NAB1: variants seen among roughly 807,000 people sequenced by gnomAD.
NAB1 encodes the protein NGFI-A binding protein 1.
In NAB1, 25 loss-of-function variants were observed where a neutral mutation model predicts 49.9. That is an observed-to-expected ratio of 0.50 (90% confidence interval 0.37 to 0.70). The LOEUF (loss-of-function observed/expected upper bound fraction) is 0.70, where lower values mean the gene tolerates loss of function less well. NAB1 is among the 30% of genes least tolerant of loss of function. NAB1 has a pLI of 0.00. For missense variants in NAB1, 489 were observed against 575.9 expected (o/e 0.85, Z 1.54); for synonymous variants, 198 against 215.6 (o/e 0.92, Z 0.71).
At position 190,676,623 on chromosome 2, in the gene NAB1, G is replaced by A. The variant is rs1695085329; in HGVS notation, c.1005+3471G>A. 6.6e-6 allele frequency among the ~76,000 whole-genome samples: 1 copy of A among 152,148 alleles called. No homozygotes were observed. Among genetic ancestry groups the A allele is most frequent in the South Asian group, 2.1e-4 (1 of 4,828 alleles). ...TAGTCCCAGCTAATCAGGAGGCTGA[G>A]GTGGGAGAATCACTGCCCCACTGCA... On this transcript the variant is annotated intron_variant, in intron 6 of 9. Coordinates refer to ENST00000337386, the MANE Select transcript of NAB1 (RefSeq NM_005966.4). This position sits in a 1 kb window ranked among gnomAD's most constrained non-coding sequence, Gnocchi z 4.6.
chr2:190,659,821 G>A lies in NAB1; in HGVS notation c.645G>A (p.Leu215=). The A allele has an allele frequency of 6.2e-7, 1 of 1,614,234 alleles. No individual in the cohort carries two copies. The highest frequency in any genetic ancestry group is 1.7e-5 in the Admixed American group (1 of 60,024). ...CCCCCACACTGCCAAAAAGTGACTT[G>A]AATGAAGTGAAAGAGCTGCTAAAAA... is the stretch of plus-strand genomic sequence containing the variant. The part of the protein sequence containing the change: ...RMAPTLPKSD[L]NEVKELLKTN... Residue 215 remains leucine (L), a synonymous_variant, in exon 4 of 10, where the codon TTG becomes TTA. Coordinates refer to ENST00000337386, the MANE Select transcript of NAB1 (RefSeq NM_005966.4). This position sits in a 1 kb window ranked among gnomAD's most constrained non-coding sequence, Gnocchi z 6.2.
chr2:190,661,604 A>G (rs1694231122), intron 4 of NAB1, among the ~76,000 whole-genome samples: 1 of 152,236 alleles, frequency 6.6e-6, no homozygotes, highest in South Asian at 2.1e-4. Context: ...AAAAAATGTA[A>G]AAAGAATTAT....
In NAB1 at chr2:190,679,365, T is replaced by G. The variant is rs1695219944; in HGVS notation, c.1006-4373T>G. On this transcript the variant is annotated intron_variant, in intron 6 of 9. Coordinates refer to ENST00000337386, the MANE Select transcript of NAB1 (RefSeq NM_005966.4). The surrounding 1 kb of genome is among the most constrained non-coding windows in gnomAD (Gnocchi z 5.3). The stretch of plus-strand genomic sequence containing the variant: ...CTGTAGGAGTAAATAATGACTAATG[T>G]GCTCAGTTGCAGAGAGATCACTGAT... 6.6e-6 allele frequency among the ~76,000 whole-genome samples: 1 copy of G among 152,256 alleles called. No individual in the cohort carries two copies. Among genetic ancestry groups the G allele is most frequent in the Non-Finnish European group, 1.5e-5 (1 of 68,044 alleles).
intron 4 of NAB1, among the ~76,000 whole-genome samples, chr2:190,664,614 T>TTTTTTTTG (rs1553548974): frequency 1.8e-4 from 20 of 111,874 alleles, no homozygotes; most frequent in East Asian, 2.7e-4. Flanking sequence ...TTTTTTTTTT[T>TTTTTTTTG]GTAGGGACAG....
In NAB1 at chr2:190,669,615, A is replaced by G. The variant is rs947208744; in HGVS notation, c.820-711A>G. On this transcript the variant is annotated intron_variant, in intron 4 of 9. Transcript: ENST00000337386. The surrounding 1 kb of genome is among the most constrained non-coding windows in gnomAD (Gnocchi z 4.3). The stretch of plus-strand genomic sequence containing the variant: ...CTGATATACCTCTTGACAGTTTCCT[A>G]TATCTATTGACAAAATTATGTGAAA... Among the ~76,000 whole-genome samples the G allele has an allele frequency of 6.6e-6, 1 of 152,196 alleles. No homozygotes were observed. The highest frequency in any genetic ancestry group is 1.5e-5 in the Non-Finnish European group (1 of 68,024).
rs530797080 is a variant in NAB1 at position 190,689,077 on chromosome 2, C to T, written c.1376-1168C>T. Among the ~76,000 whole-genome samples the T allele has an allele frequency of 1.6e-4, 25 of 152,216 alleles. No homozygotes were observed. Among genetic ancestry groups the T allele is most frequent in the Middle Eastern group, 3.4e-3 (1 of 294 alleles). On this transcript the variant is annotated intron_variant, in intron 9 of 9. Coordinates refer to ENST00000337386, the MANE Select transcript of NAB1 (RefSeq NM_005966.4). This position sits in a 1 kb window ranked among gnomAD's most constrained non-coding sequence, Gnocchi z 4.3. Reference sequence around the variant, plus strand: ...TCCTGACCTTGTGATCCGCCCGCCTCGGCCCCACAAAGTGCTGGGATTACA... The same window carrying T: ...TCCTGACCTTGTGATCCGCCCGCCTTGGCCCCACAAAGTGCTGGGATTACA...
At chr2:190,661,270 A>C (rs998787217) in intron 4 of NAB1, among the ~76,000 whole-genome samples, 4 of 152,144 alleles carry the variant, frequency 2.6e-5, no homozygotes, top group African/African-American at 9.7e-5. Flanking sequence ...TGAATGTTGG[A>C]GCTTGAGATC....
In NAB1 at chr2:190,659,121, T is replaced by G. The variant is rs1391323813; in HGVS notation, c.-19-37T>G. On this transcript the variant is annotated intron_variant, in intron 3 of 9. Transcript: ENST00000337386. The surrounding 1 kb of genome is among the most constrained non-coding windows in gnomAD (Gnocchi z 6.2). ...TTTGGTGTAAGGAGTTTGAAGCAAG[T>G]ATGATGAGTTTTTACTTTTTTTTTT... 1.5e-6 allele frequency: 2 copies of G among 1,373,644 alleles called. No homozygotes were observed. Among genetic ancestry groups the G allele is most frequent in the African/African-American group, 2.9e-5 (2 of 68,534 alleles). 85.1% of individuals were successfully genotyped at this position (1,373,644 alleles called of 1,614,324 possible).
At chr2:190,687,395 CAAAAAAAAAAA>C (rs60742412) in intron 9 of NAB1, 78 bp downstream of exon 9, 15 of 162,068 alleles carry the variant, frequency 9.3e-5, no homozygotes, top group South Asian at 2.1e-4. Flanking sequence ...CCTCCCCCAT[CAAAAAAAAAAA>C]AAAAAAAAAA....
chr2:190,679,017 C>T lies in NAB1; in HGVS notation c.1006-4721C>T, dbSNP rs576583942. 3.9e-5 allele frequency among the ~76,000 whole-genome samples: 6 copies of T among 152,252 alleles called. No homozygotes were observed. In the East Asian group the frequency reaches 5.8e-4, roughly 15 times the overall value. On this transcript the variant is annotated intron_variant, in intron 6 of 9. Coordinates refer to ENST00000337386, the MANE Select transcript of NAB1 (RefSeq NM_005966.4). This position sits in a 1 kb window ranked among gnomAD's most constrained non-coding sequence, Gnocchi z 5.3. Reference sequence around the variant, plus strand: ...AGTAATTAGGTCATGCACCAGCCTCCGTCCCATAGCTTTTATTTTCTCAGT... The same window carrying T: ...AGTAATTAGGTCATGCACCAGCCTCTGTCCCATAGCTTTTATTTTCTCAGT...
At chr2:190,656,997 C>T (rs553154421) in intron 3 of NAB1, among the ~76,000 whole-genome samples, 34 of 152,222 alleles carry the variant, frequency 2.2e-4, no homozygotes, top group Non-Finnish European at 3.5e-4. Context: ...GTGTCTTCCA[C>T]AGTCTATTTT....
chr2:190,675,157 GGAAA>G lies in NAB1; in HGVS notation c.1005+2011_1005+2014del, dbSNP rs1423130303. Among the ~76,000 whole-genome samples, 1 of 152,176 alleles carries G rather than the reference GGAAA, an allele frequency of 6.6e-6. No homozygotes were observed. The highest frequency in any genetic ancestry group is 1.5e-5 in the Non-Finnish European group (1 of 68,040). On this transcript the variant is annotated intron_variant, in intron 6 of 9. Coordinates refer to ENST00000337386, the MANE Select transcript of NAB1 (RefSeq NM_005966.4). The surrounding 1 kb of genome is among the most constrained non-coding windows in gnomAD (Gnocchi z 5.2). ...GGCATGTGCCATTGGAGGATTGAGAGGAAAGAAAGCACAGAAACTACCCAGGGGC... is the reference window on the plus strand; with the variant it reads ...GGCATGTGCCATTGGAGGATTGAGAGGAAAGCACAGAAACTACCCAGGGGC...
rs2125696508 is a variant in NAB1, at chr2:190,667,541, T to C, written c.820-2785T>C. 6.6e-6 allele frequency among the ~76,000 whole-genome samples: 1 copy of C among 152,332 alleles called. No homozygotes were observed. Among genetic ancestry groups the C allele is most frequent in the South Asian group, 2.1e-4 (1 of 4,828 alleles). On this transcript the variant is annotated intron_variant, in intron 4 of 9. Coordinates refer to ENST00000337386, the MANE Select transcript of NAB1 (RefSeq NM_005966.4). The surrounding 1 kb of genome is among the most constrained non-coding windows in gnomAD (Gnocchi z 4.4). ...GGCACTTAGGGGAGGAATTTATCTA[T>C]TGATGACTCTTTAGGAGGAGTGGAG...
intron 6 of NAB1, 90 bp downstream of exon 6, chr2:190,673,242 A>T: frequency 8.1e-7 from 1 of 1,230,118 alleles, no homozygotes; most frequent in South Asian, 1.2e-5. Flanking sequence ...GACAAAAAAG[A>T]TGGTCCCATA....
intron 4 of NAB1, among the ~76,000 whole-genome samples, chr2:190,660,267 C>A (rs940231220): frequency 6.6e-6 from 1 of 152,022 alleles, no homozygotes; most frequent in East Asian, 1.9e-4. Context: ...GCAGTGAAAG[C>A]GTAAAGTCTT....
intron 9 of NAB1, among the ~76,000 whole-genome samples, chr2:190,688,650 A>G (rs1695743284): frequency 6.6e-6 from 1 of 152,188 alleles, no homozygotes; most frequent in Admixed American, 6.5e-5. Flanking sequence ...GTGTCTCATC[A>G]TGGGGCATAT....
At chr2:190,673,393 G>A (rs773466030) in intron 6 of NAB1, among the ~76,000 whole-genome samples, 1 of 151,960 alleles carries the variant, frequency 6.6e-6, no homozygotes. Flanking sequence ...ATGTGGTCTC[G>A]CTATGTTGCC....
Position 190,685,637 on chromosome 2 carries a change from A to T in NAB1, c.1257A>T (p.Gln419His). 1 of 1,602,308 alleles carries T rather than the reference A, an allele frequency of 6.2e-7. No individual in the cohort carries two copies. The highest frequency in any genetic ancestry group is 8.5e-7 in the Non-Finnish European group (1 of 1,174,812). The part of the protein sequence containing the change: ...NGLTSDNSDG[Q>H]GERPLNLRMP... Reference sequence around the variant, plus strand: ...TGACTTCCGATAACTCAGATGGACAAGGTACATCTTTAGAATATCCTATGC... The same window carrying T: ...TGACTTCCGATAACTCAGATGGACATGGTACATCTTTAGAATATCCTATGC... The change falls in exon 8 of 10, where the codon CAA (glutamine) becomes CAT (histidine). Residue 419 changes from glutamine (Q) to histidine (H), a missense_variant and splice_region_variant. By Grantham distance (24) the Gln-to-His change is conservative (BLOSUM62 0). Transcript: ENST00000337386. The surrounding 1 kb of genome is among the most constrained non-coding windows in gnomAD (Gnocchi z 4.5).
chr2:190,651,074 A>G lies in NAB1; in HGVS notation c.-197+1092A>G, dbSNP rs898517067. Among the ~76,000 whole-genome samples, 6 of 152,212 alleles carry G rather than the reference A, an allele frequency of 3.9e-5. No homozygotes were observed. The highest frequency in any genetic ancestry group is 1.4e-4 in the African/African-American group (6 of 41,450). The stretch of plus-strand genomic sequence containing the variant: ...CTTGTTACTTGTGAAGGTATCAATA[A>G]TAATGTAATAATGACAACATTGAGG... On this transcript the variant is annotated intron_variant, in intron 2 of 9. Coordinates refer to ENST00000337386, the MANE Select transcript of NAB1 (RefSeq NM_005966.4). This position sits in a 1 kb window ranked among gnomAD's most constrained non-coding sequence, Gnocchi z 4.3.
Sources: gnomAD v4.1 joint callset for allele counts (sites outside exome capture counted in the v4.1 genomes callset) on GRCh38, gnomAD v4.1.1 for gene constraint, Gnocchi (gnomAD v3.1) non-coding constraint, MANE v1.5 for transcripts, NCBI Gene and HGNC (gene_info 2026-07-23, HGNC 2026-07-21) for gene names.